The following ENTREP2 variants were observed in gnomAD, a reference collection of about 807,000 sequenced individuals.
ENTREP2 encodes protein ENTREP2.
the ENTREP2 span, among the ~76,000 whole-genome samples, chr15:29,489,947 G>A: frequency 0.041 from 6,173 of 152,304 alleles, 401 homozygotes; most frequent in African/African-American, 0.14. Flanking sequence ...GCATCAAAAT[G>A]TTTTAATTCT....
the ENTREP2 span, among the ~76,000 whole-genome samples, chr15:29,611,813 C>T: frequency 0.14 from 20,888 of 152,194 alleles, 1,679 homozygotes; most frequent in Middle Eastern, 0.23. Flanking sequence ...ACAGGAATCG[C>T]ATCATTCAGG....
the ENTREP2 span, among the ~76,000 whole-genome samples, chr15:29,408,247 A>G: frequency 6.6e-6 from 1 of 152,204 alleles, no homozygotes; most frequent in Non-Finnish European, 1.5e-5. Context: ...AGTTTAAAAA[A>G]AAGACATGCA....
chr15:29,196,013 A>AT, the ENTREP2 span, among the ~76,000 whole-genome samples: 1 of 152,224 alleles, frequency 6.6e-6, no homozygotes, highest in African/African-American at 2.4e-5. Context: ...AATGCTACAC[A>AT]TAAGAATAGA....
the ENTREP2 span, among the ~76,000 whole-genome samples, chr15:29,369,155 C>A: frequency 1.3e-5 from 2 of 151,994 alleles, no homozygotes; most frequent in African/African-American, 4.8e-5. Flanking sequence ...GTGAAAAGGG[C>A]AGAAAATACC....
chr15:29,128,296 C>A, the ENTREP2 span, among the ~76,000 whole-genome samples: 16 of 152,300 alleles, frequency 1.1e-4, no homozygotes, highest in African/African-American at 3.9e-4. Flanking sequence ...GCGACACCCA[C>A]CCTCTGTGTC....
chr15:29,286,937 G>C, the ENTREP2 span, among the ~76,000 whole-genome samples: 1 of 152,138 alleles, frequency 6.6e-6, no homozygotes, highest in Non-Finnish European at 1.5e-5. Context: ...AGAAGTTCCA[G>C]AGACTAAATC....
the ENTREP2 span, among the ~76,000 whole-genome samples, chr15:29,136,839 C>A: frequency 3.9e-5 from 6 of 152,322 alleles, no homozygotes; most frequent in Non-Finnish European, 8.8e-5. Context: ...GGCAGCAACA[C>A]CTGTCTGCCT....
chr15:29,268,307 A>C, the ENTREP2 span: 1 of 153,282 alleles, frequency 6.5e-6, no homozygotes, highest in Admixed American at 6.5e-5. Flanking sequence ...TGGAACCATG[A>C]ATAATACTTA....
the ENTREP2 span, among the ~76,000 whole-genome samples, chr15:29,551,445 T>C: frequency 5.7e-4 from 87 of 152,126 alleles, no homozygotes; most frequent in Admixed American, 2.2e-3. Context: ...GGGGTGGGGA[T>C]TGCATCTAAG....
chr15:29,381,826 CA>C, the ENTREP2 span: 2 of 1,551,628 alleles, frequency 1.3e-6, no homozygotes, highest in Non-Finnish European at 1.7e-6. Flanking sequence ...GTCCCGACAG[CA>C]GCACCTGGAA....
chr15:29,646,964 C>T, the ENTREP2 span, among the ~76,000 whole-genome samples: 1 of 152,170 alleles, frequency 6.6e-6, no homozygotes, highest in African/African-American at 2.4e-5. Context: ...ATATGAGGAC[C>T]AACAGAAGAC....
chr15:29,606,028 AT>A, the ENTREP2 span, among the ~76,000 whole-genome samples: 1 of 151,810 alleles, frequency 6.6e-6, no homozygotes, highest in Admixed American at 6.6e-5. Flanking sequence ...ACTTGTTTTC[AT>A]TTTTATTTTT....
the ENTREP2 span, among the ~76,000 whole-genome samples, chr15:29,477,803 A>G: frequency 1.7e-4 from 26 of 151,868 alleles, no homozygotes; most frequent in African/African-American, 5.1e-4. Flanking sequence ...TCACGTGGGC[A>G]TGAGCGTTCC....
chr15:29,567,930 T>G, the ENTREP2 span, among the ~76,000 whole-genome samples: 1 of 152,112 alleles, frequency 6.6e-6, no homozygotes, highest in Admixed American at 6.5e-5. Context: ...AGCCCCACAG[T>G]ATGGATTTCT....
chr15:29,602,447 G>A, the ENTREP2 span, among the ~76,000 whole-genome samples: 3 of 151,970 alleles, frequency 2.0e-5, no homozygotes, highest in Non-Finnish European at 4.4e-5. Context: ...CTCTACCTAT[G>A]GTAAGGATAT....
chr15:29,459,912 T>G, the ENTREP2 span, among the ~76,000 whole-genome samples: 1 of 152,202 alleles, frequency 6.6e-6, no homozygotes, highest in Non-Finnish European at 1.5e-5. Flanking sequence ...TTAAAAGTTA[T>G]CAAGTGATCT....
chr15:29,350,729 G>T, the ENTREP2 span, among the ~76,000 whole-genome samples: 29 of 152,104 alleles, frequency 1.9e-4, no homozygotes, highest in African/African-American at 7.0e-4. Context: ...GATTACCTGA[G>T]GTCAGGAGTT....
the ENTREP2 span, chr15:29,452,442 G>A: frequency 6.6e-6 from 1 of 152,216 alleles, no homozygotes; most frequent in African/African-American, 2.4e-5. Context: ...GTATGGAATG[G>A]GGCTCAACTA....
the ENTREP2 span, among the ~76,000 whole-genome samples, chr15:29,615,741 C>A: frequency 6.6e-6 from 1 of 152,128 alleles, no homozygotes; most frequent in African/African-American, 2.4e-5. Flanking sequence ...CTTCAGATTT[C>A]TATTTTGGGT....
Sources: allele counts gnomAD v4.1 joint callset (sites outside exome capture counted in the v4.1 genomes callset), GRCh38; gene constraint gnomAD v4.1.1; transcripts MANE v1.5; gene names NCBI Gene and HGNC (gene_info 2026-07-23, HGNC 2026-07-21).